The following VIPR2 variants were observed in gnomAD, a reference collection of about 807,000 sequenced individuals.
VIPR2 encodes vasoactive intestinal peptide receptor 2.
A neutral mutation model predicts 58.0 loss-of-function variants in VIPR2; 48 were observed. That is an observed-to-expected ratio of 0.83 (90% CI 0.66 to 1.05). The LOEUF (loss-of-function observed/expected upper bound fraction) is 1.05, where lower values mean the gene tolerates loss of function less well. Among genes scored for constraint, VIPR2 ranks in the 50% least tolerant of loss-of-function variants. The probability of loss-of-function intolerance (pLI) is 0.00; values close to 1 mark genes in which losing one functional copy is unlikely to be tolerated. For synonymous variants in VIPR2, 243 were observed against 235.2 expected, an observed-to-expected ratio of 1.03 and a Z score of -0.30; for missense variants, 534 against 558.0, an observed-to-expected ratio of 0.96 and a Z score of 0.43.
At chr7:159,054,059 T>C (rs1855156549) in intron 5 of VIPR2, among the ~76,000 whole-genome samples, 2 of 152,164 alleles carry the variant, frequency 1.3e-5, no homozygotes, top group South Asian at 4.1e-4. Flanking sequence ...GAACCGGGAC[T>C]CGAGGCCCCC....
At chr7:159,131,626 A>G (rs1168160899) in intron 2 of VIPR2, among the ~76,000 whole-genome samples, 1 of 152,192 alleles carries the variant, frequency 6.6e-6, no homozygotes, top group Non-Finnish European at 1.5e-5. Context: ...TCTTCAGAAA[A>G]GATAGTCACA....
rs1380420362 is a variant in VIPR2, at chr7:159,099,707, G to A, written c.357+4050C>T. On this transcript the variant is annotated intron_variant, in intron 4 of 12. Coordinates refer to ENST00000262178, the MANE Select transcript of VIPR2 (RefSeq NM_003382.5). The surrounding 1 kb of genome is among the most constrained non-coding windows in gnomAD (Gnocchi z 4.2). ...GCACAGTTGCCGGCTAGGTGCAGAC[G>A]AAGATGAAGACTCAGAGGTGGTGCC... 6.6e-6 allele frequency among the ~76,000 whole-genome samples: 1 copy of A among 152,102 alleles called. No individual in the cohort carries two copies. The highest frequency in any genetic ancestry group is 2.4e-5 in the African/African-American group (1 of 41,400).
Position 159,035,580 on chromosome 7 carries a change from G to A in VIPR2, c.809+372C>T, listed in dbSNP as rs1023177514. Among the ~76,000 whole-genome samples the A allele has an allele frequency of 1.4e-4, 22 of 152,206 alleles. 1 individual carries two copies. The highest frequency in any genetic ancestry group is 6.5e-4 in the Admixed American group (10 of 15,284). Reference sequence around the variant, plus strand: ...AGACCAGTGCTTAGGAAGTGCCGGGGGGCCCTGCAGCCACCATCACCTGAC... The same window carrying A: ...AGACCAGTGCTTAGGAAGTGCCGGGAGGCCCTGCAGCCACCATCACCTGAC... On this transcript the variant is annotated intron_variant, in intron 8 of 12. Transcript: ENST00000262178.
intron 6 of VIPR2, among the ~76,000 whole-genome samples, chr7:159,039,867 G>T (rs139265416): frequency 1.3e-5 from 2 of 152,160 alleles, no homozygotes; most frequent in Non-Finnish European, 2.9e-5. Flanking sequence ...TGCCTGCAGC[G>T]GCAAAAGAGA....
At chr7:159,039,289 T>C (rs1043212814) in intron 6 of VIPR2, among the ~76,000 whole-genome samples, 2 of 151,488 alleles carry the variant, frequency 1.3e-5, no homozygotes, top group Non-Finnish European at 2.9e-5. Flanking sequence ...TGAAACCCCA[T>C]CTCTACTAAA....
In VIPR2 at chr7:159,057,475, G is replaced by A. The variant is rs146147802; in HGVS notation, c.455+1006C>T. ...ATTACATTTGCTGGCTTTCTTAGCT[G>A]GATTCTCAACCACTCCTAACTTGTT... On this transcript the variant is annotated intron_variant, in intron 5 of 12. Coordinates refer to ENST00000262178, the MANE Select transcript of VIPR2 (RefSeq NM_003382.5). 3.7e-3 allele frequency among the ~76,000 whole-genome samples: 563 copies of A among 152,232 alleles called. 3 individuals are homozygous for A. Among genetic ancestry groups the A allele is most frequent in the African/African-American group, 0.013 (526 of 41,538 alleles).
intron 2 of VIPR2, among the ~76,000 whole-genome samples, chr7:159,121,116 G>T (rs1007927180): frequency 1.3e-5 from 2 of 152,170 alleles, no homozygotes; most frequent in Admixed American, 1.3e-4. Flanking sequence ...CAGGGCGTGA[G>T]GAGCTGGAGG....
In VIPR2 at chr7:159,100,869, G is replaced by T. The variant is rs527922970; in HGVS notation, c.357+2888C>A. 3.3e-5 allele frequency among the ~76,000 whole-genome samples: 5 copies of T among 149,548 alleles called. No individual in the cohort carries two copies. In the Admixed American group the frequency reaches 3.4e-4, roughly 10 times the overall value. On this transcript the variant is annotated intron_variant, in intron 4 of 12. Transcript: ENST00000262178. Reference sequence around the variant, plus strand: ...TTCCCCCGACTGTTCCTGTGATAGTGAATGGGTCTCACGAGATCCGACAAG... The same window carrying T: ...TTCCCCCGACTGTTCCTGTGATAGTTAATGGGTCTCACGAGATCCGACAAG...
At chr7:159,118,149 G>T (rs1349474027) in intron 2 of VIPR2, among the ~76,000 whole-genome samples, 1 of 152,150 alleles carries the variant, frequency 6.6e-6, no homozygotes, top group South Asian at 2.1e-4. Flanking sequence ...TTCCTGCTGG[G>T]GGGCTGCTGA....
At chr7:159,144,692 C>G (rs904081368) in intron 1 of VIPR2, 29 bp downstream of exon 1, 1 of 1,332,038 alleles carries the variant, frequency 7.5e-7, no homozygotes, top group Non-Finnish European at 9.6e-7. Context: ...TCCGAGGCGC[C>G]GTGGGGCGGG....
At chr7:159,052,570 A>C (rs983395597) in intron 5 of VIPR2, among the ~76,000 whole-genome samples, 1 of 152,218 alleles carries the variant, frequency 6.6e-6, no homozygotes, top group Non-Finnish European at 1.5e-5. Context: ...GGCCAACACC[A>C]AACCTTACCA....
intron 6 of VIPR2, among the ~76,000 whole-genome samples, chr7:159,038,628 C>T (rs558594972): frequency 1.8e-4 from 28 of 151,998 alleles, no homozygotes; most frequent in Non-Finnish European, 3.1e-4. Context: ...AGTCACCCAT[C>T]GGGATGCAAC....
chr7:159,075,153 T>G (rs536389069), intron 4 of VIPR2, among the ~76,000 whole-genome samples: 2 of 152,350 alleles, frequency 1.3e-5, no homozygotes, highest in East Asian at 3.9e-4. Context: ...TTACCACTGT[T>G]AAATAAGAAT....
rs151152049 is a variant in VIPR2 at position 159,045,006 on chromosome 7, T to G, written c.456-1830A>C. The stretch of plus-strand genomic sequence containing the variant: ...GGCTGATCTCAAACCTCTGACCGTA[T>G]GTGATCCGCCTGCCTTGGCCTCCCA... On this transcript the variant is annotated intron_variant, in intron 5 of 12. Transcript: ENST00000262178. 2.5e-3 allele frequency among the ~76,000 whole-genome samples: 378 copies of G among 152,258 alleles called. 1 individual carries two copies. Among genetic ancestry groups the G allele is most frequent in the Non-Finnish European group, 4.4e-3 (297 of 68,014 alleles).
rs377704172 is a variant in VIPR2 at position 159,034,269 on chromosome 7, A to C, written c.915T>G (p.Ile305Met). 5.0e-6 allele frequency: 8 copies of C among 1,613,960 alleles called. No individual in the cohort carries two copies. In the African/African-American group the frequency reaches 9.3e-5, roughly 19 times the overall value. Residue 305 changes from isoleucine (I) to methionine (M), a missense_variant, in exon 10 of 13, where the codon ATT becomes ATG. Ile to Met is a conservative substitution (Grantham distance 10). This residue lies in a region of VIPR2 where 306 missense variants were observed against 285.8 expected (regional missense o/e 1.07). Transcript: ENST00000262178. ...CTGGGGATGTTAACTTCTGCAGCAA[A>C]ATTCGTATAATACTAATGAAAAGGA... ...NFVLFISIIR[I>M]LLQKLTSPDV...
intron 2 of VIPR2, among the ~76,000 whole-genome samples, chr7:159,137,468 C>T (rs191670229): frequency 2.0e-5 from 3 of 152,306 alleles, no homozygotes; most frequent in Admixed American, 2.0e-4. Context: ...CAGCCTTGAA[C>T]TGGGCTCAAG....
intron 5 of VIPR2, 73 bp from the exon 6 acceptor site, chr7:159,043,249 T>G (rs999597968): frequency 7.4e-7 from 1 of 1,348,882 alleles, no homozygotes; most frequent in Non-Finnish European, 1.0e-6. Context: ...CAGACAGAGA[T>G]GAGAAACTCA....
intron 2 of VIPR2, among the ~76,000 whole-genome samples, chr7:159,129,517 C>T (rs112577167): frequency 1.5e-4 from 1 of 6,688 alleles, no homozygotes; most frequent in African/African-American, 4.4e-4. Context: ...GGGGACAGGG[C>T]CAGGTGACCA....
intron 2 of VIPR2, among the ~76,000 whole-genome samples, chr7:159,120,606 C>T (rs550488823): frequency 6.9e-4 from 105 of 152,290 alleles, no homozygotes; most frequent in African/African-American, 2.5e-3. Context: ...AATCTCTGCC[C>T]GCTGGGAACA....
Sources: allele counts gnomAD v4.1 joint callset (sites outside exome capture counted in the v4.1 genomes callset), GRCh38; gene constraint gnomAD v4.1.1; regional missense constraint gnomAD v4.1.1; non-coding constraint Gnocchi (gnomAD v3.1); transcripts MANE v1.5; gene names NCBI Gene and HGNC (gene_info 2026-07-23, HGNC 2026-07-21).